The following ZNF462 variants were observed in gnomAD, a reference collection of about 807,000 sequenced individuals.
The protein encoded by ZNF462 is zinc finger protein 462, also known as zinc finger PBX1-interacting protein.
A neutral mutation model predicts 201.9 loss-of-function variants in ZNF462; 10 were observed. The ratio of observed to expected loss-of-function variants is 0.05; its 90% CI spans 0.03 to 0.08. ZNF462 has a LOEUF of 0.08. ZNF462 is among the 10% of genes least tolerant of loss of function. The pLI is 1.00. For missense variants in ZNF462, 2,523 were observed against 3,168.3 expected, an observed-to-expected ratio of 0.80 and a Z score of 4.89; for synonymous variants, 1,227 against 1,193.3, an observed-to-expected ratio of 1.03 and a Z score of -0.58.
At position 106,925,426 on chromosome 9, in the gene ZNF462, A is replaced by G. The variant is rs746327980; in HGVS notation, c.1514A>G (p.Gln505Arg). ...TCAGATTGGGATGCTGTGAATTCCC[A>G]GAGTGAAAGCATTTCTTCCTCACTG... is the stretch of plus-strand genomic sequence containing the variant. ...TTSDWDAVNS[Q>R]SESISSSLNE... Residue 505 changes from glutamine (Q) to arginine (R), a missense_variant, in exon 3 of 13, where the codon CAG (glutamine) becomes CGG (arginine). Physicochemically the swap from Gln to Arg is conservative, Grantham distance 43. Transcript: ENST00000277225. The surrounding 1 kb of genome is among the most constrained non-coding windows in gnomAD (Gnocchi z 7.9). 6.2e-7 allele frequency: 1 copy of G among 1,614,240 alleles called. No homozygotes were observed. Among genetic ancestry groups the G allele is most frequent in the Admixed American group, 1.7e-5 (1 of 60,030 alleles).
intron 1 of ZNF462, among the ~76,000 whole-genome samples, chr9:106,918,440 TGAAA>T (rs1465713340): frequency 6.6e-6 from 1 of 152,252 alleles, no homozygotes; most frequent in East Asian, 1.9e-4. Flanking sequence ...CTGCTGTTCC[TGAAA>T]GAGATTTCAC....
At chr9:106,948,149 A>C (rs1287461849) in intron 7 of ZNF462, among the ~76,000 whole-genome samples, 1 of 152,034 alleles carries the variant, frequency 6.6e-6, no homozygotes, top group Non-Finnish European at 1.5e-5. Flanking sequence ...GATACAGGAG[A>C]AAGGATCCTG....
At chr9:106,894,114 G>C (rs930161503) in intron 1 of ZNF462, among the ~76,000 whole-genome samples, 1 of 152,214 alleles carries the variant, frequency 6.6e-6, no homozygotes, top group Non-Finnish European at 1.5e-5. Flanking sequence ...AGCAGAGAGA[G>C]GTTATACAAC....
rs1239279834 is a variant in ZNF462 at position 106,968,426 on chromosome 9, A to C, written c.6428-3579A>C. 6.6e-6 allele frequency among the ~76,000 whole-genome samples: 1 copy of C among 152,216 alleles called. No individual in the cohort carries two copies. The highest frequency in any genetic ancestry group is 1.5e-5 in the Non-Finnish European group (1 of 68,026). ...CTGGAGAACTCCATATAACTTAATT[A>C]AATTTATTTTATAACTACAATTATA... On this transcript the variant is annotated intron_variant, in intron 7 of 12. Coordinates refer to ENST00000277225, the MANE Select transcript of ZNF462 (RefSeq NM_021224.6). This position sits in a 1 kb window ranked among gnomAD's most constrained non-coding sequence, Gnocchi z 4.0.
chr9:107,013,075 G>A lies in ZNF462; in HGVS notation c.*2045G>A, dbSNP rs1830013348. 1 of 142,778 alleles carries A rather than the reference G, an allele frequency of 7.0e-6. No homozygotes were observed. The highest frequency in any genetic ancestry group is 1.5e-5 in the Non-Finnish European group (1 of 67,714). 8.8% of individuals were successfully genotyped at this position (142,778 alleles called of 1,614,324 possible). A position where few individuals can be genotyped will look rare whatever the true frequency, so the allele number is the denominator to read the frequency against. On this transcript the variant is annotated 3_prime_UTR_variant, in exon 13 of 13. Coordinates refer to ENST00000277225, the MANE Select transcript of ZNF462 (RefSeq NM_021224.6). ...AAACAGTTCCATACCTGGATTGGGT[G>A]TTTGTAATGGTTACCAAAAAACAAA... is the stretch of plus-strand genomic sequence containing the variant.
chr9:106,945,862 A>C (rs1448767293), intron 7 of ZNF462, among the ~76,000 whole-genome samples: 1 of 152,250 alleles, frequency 6.6e-6, no homozygotes, highest in Non-Finnish European at 1.5e-5. Flanking sequence ...TTAAATGTTA[A>C]GACTCTGCCT....
rs962253808 is a variant in ZNF462, at chr9:107,012,439, C to CTTTTTTTTTTTTT, written c.*1422_*1434dup. On this transcript the variant is annotated 3_prime_UTR_variant, in exon 13 of 13. Transcript: ENST00000277225. ...GCCTGGAGAACTACTTTCTTTCTTT[C>CTTTTTTTTTTTTT]TTTTTTTTTTTTTTTTTTTTTTTTT... The CTTTTTTTTTTTTT allele has an allele frequency of 3.4e-4, 29 of 86,232 alleles. No homozygotes were observed. Among genetic ancestry groups the CTTTTTTTTTTTTT allele is most frequent in the African/African-American group, 7.7e-4 (18 of 23,486 alleles). The allele number at this position is 86,232 out of a possible 1,614,324, so 5.3% of individuals were successfully genotyped here.
chr9:106,991,837 T>TACA (rs1554716825), intron 10 of ZNF462, among the ~76,000 whole-genome samples: 12 of 116,538 alleles, frequency 1.0e-4, no homozygotes, highest in African/African-American at 5.1e-4. Flanking sequence ...TACAGCACTC[T>TACA]CTACACACAC....
In ZNF462 at chr9:106,865,068, C is replaced by A. The variant is rs906014464; in HGVS notation, c.-31+1713C>A. Among the ~76,000 whole-genome samples, 1 of 152,020 alleles carries A rather than the reference C, an allele frequency of 6.6e-6. No homozygotes were observed. Among genetic ancestry groups the A allele is most frequent in the Admixed American group, 6.5e-5 (1 of 15,270 alleles). On this transcript the variant is annotated intron_variant, in intron 1 of 12. Coordinates refer to ENST00000277225, the MANE Select transcript of ZNF462 (RefSeq NM_021224.6). The surrounding 1 kb of genome is among the most constrained non-coding windows in gnomAD (Gnocchi z 4.1). ...CTCCTTCTCTCTTTCCAGAGGGAAA[C>A]CTTGTGGTGGTTCCTCACTGTCTAT...
chr9:106,973,295 G>T (rs1446272233), intron 8 of ZNF462, among the ~76,000 whole-genome samples: 1 of 151,782 alleles, frequency 6.6e-6, no homozygotes, highest in Non-Finnish European at 1.5e-5. Flanking sequence ...TGGAAATTAG[G>T]CTTCATGTCC....
chr9:106,885,606 A>G lies in ZNF462; in HGVS notation c.-31+22251A>G, dbSNP rs139994499. Among the ~76,000 whole-genome samples the G allele has an allele frequency of 1.4e-3, 212 of 152,346 alleles. 1 individual carries two copies. Among genetic ancestry groups the G allele is most frequent in the African/African-American group, 5.0e-3 (206 of 41,576 alleles). ...CCAAGACTTTAAGTAGCAGCTGAAC[A>G]TGTGATCTTGTTAACCCTGAGATGT... On this transcript the variant is annotated intron_variant, in intron 1 of 12. Coordinates refer to ENST00000277225, the MANE Select transcript of ZNF462 (RefSeq NM_021224.6). The surrounding 1 kb of genome is among the most constrained non-coding windows in gnomAD (Gnocchi z 4.1).
intron 7 of ZNF462, among the ~76,000 whole-genome samples, chr9:106,955,254 C>G (rs562696845): frequency 3.9e-5 from 6 of 152,208 alleles, no homozygotes; most frequent in African/African-American, 1.4e-4. Flanking sequence ...CTCAGTAAAG[C>G]AAATATTGCA....
rs1422103405 is a variant in ZNF462, at chr9:106,977,215, T to TG, written c.6832+2943dup. Among the ~76,000 whole-genome samples, 1 of 151,898 alleles carries TG rather than the reference T, an allele frequency of 6.6e-6. No homozygotes were observed. The highest frequency in any genetic ancestry group is 1.9e-4 in the East Asian group (1 of 5,190). Reference sequence around the variant, plus strand: ...GAGAGACAGAGCTGCATGTCTGCCTTGCAATTTTGAGTTGGGGCTGATCTC... The same window carrying TG: ...GAGAGACAGAGCTGCATGTCTGCCTTGGCAATTTTGAGTTGGGGCTGATCTC... On this transcript the variant is annotated intron_variant, in intron 9 of 12. Coordinates refer to ENST00000277225, the MANE Select transcript of ZNF462 (RefSeq NM_021224.6). The surrounding 1 kb of genome is among the most constrained non-coding windows in gnomAD (Gnocchi z 4.6).
chr9:106,977,492 A>G lies in ZNF462; in HGVS notation c.6832+3219A>G, dbSNP rs914750580. Among the ~76,000 whole-genome samples, 6 of 151,700 alleles carry G rather than the reference A, an allele frequency of 4.0e-5. No homozygotes were observed. Among genetic ancestry groups the G allele is most frequent in the Non-Finnish European group, 7.3e-5 (5 of 68,032 alleles). ...AGTAGAGAGAGAATCTACTTCGCTC[A>G]TGGGAAATCTGAATATGAACTAATC... On this transcript the variant is annotated intron_variant, in intron 9 of 12. Transcript: ENST00000277225. This position sits in a 1 kb window ranked among gnomAD's most constrained non-coding sequence, Gnocchi z 4.6.
rs1429161074 is a variant in ZNF462, at chr9:106,981,550, A to G, written c.6833-2636A>G. Among the ~76,000 whole-genome samples the G allele has an allele frequency of 1.3e-5, 2 of 152,242 alleles. No homozygotes were observed. The highest frequency in any genetic ancestry group is 2.9e-5 in the Non-Finnish European group (2 of 68,030). ...GTTATGAGAACAAAAAGTTATGTCA[A>G]GGGTAGAACACCTAACGGTGCTTGA... On this transcript the variant is annotated intron_variant, in intron 9 of 12. Transcript: ENST00000277225. This position sits in a 1 kb window ranked among gnomAD's most constrained non-coding sequence, Gnocchi z 4.0.
rs767521592 is a variant in ZNF462, at chr9:106,974,328, G to C, written c.6832+55G>C. 1.7e-5 allele frequency: 28 copies of C among 1,612,710 alleles called. No individual in the cohort carries two copies. Among genetic ancestry groups the C allele is most frequent in the Non-Finnish European group, 2.4e-5 (28 of 1,178,830 alleles). ...GCAGCGGGGGGCAGGCAGCAGAGAT[G>C]GCCTTCTAGGGATGCTCTCTCAGAG... On this transcript the variant is annotated intron_variant, in intron 9 of 12. Transcript: ENST00000277225. The surrounding 1 kb of genome is among the most constrained non-coding windows in gnomAD (Gnocchi z 4.0).
At chr9:106,995,114 A>T (rs1340582029) in intron 10 of ZNF462, among the ~76,000 whole-genome samples, 3 of 152,066 alleles carry the variant, frequency 2.0e-5, no homozygotes. Context: ...CTGGCCAGCC[A>T]CAAAGCTCTG....
chr9:106,943,811 G>T (rs566498429), intron 7 of ZNF462, among the ~76,000 whole-genome samples: 73 of 152,182 alleles, frequency 4.8e-4, no homozygotes, highest in African/African-American at 1.7e-3. Flanking sequence ...ATTGTACTGG[G>T]TCCTCAAATA....
At chr9:106,887,537 T>G (rs1243913537) in intron 1 of ZNF462, among the ~76,000 whole-genome samples, 2 of 152,220 alleles carry the variant, frequency 1.3e-5, no homozygotes, top group Non-Finnish European at 2.9e-5. Flanking sequence ...GTTATTTTTT[T>G]AATGTTATCT....
Sources: gnomAD v4.1 joint callset for allele counts (sites outside exome capture counted in the v4.1 genomes callset) on GRCh38, gnomAD v4.1.1 for gene constraint, Gnocchi (gnomAD v3.1) non-coding constraint, MANE v1.5 for transcripts, NCBI Gene and HGNC (gene_info 2026-07-23, HGNC 2026-07-21) for gene names.